LUZP2: variants seen among roughly 807,000 people sequenced by gnomAD.
The protein encoded by LUZP2 is leucine zipper protein 2.
In LUZP2, 52 loss-of-function variants were observed where a neutral mutation model predicts 51.6. The ratio of observed to expected loss-of-function variants is 1.01; its 90% CI spans 0.81 to 1.27. LUZP2 has a LOEUF of 1.27. Ranked by LOEUF, LUZP2 falls within the 50% of genes most tolerant of loss-of-function variation. LUZP2 has a pLI of 0.00. For synonymous variants in LUZP2, 154 were observed against 137.3 expected, an observed-to-expected ratio of 1.12 and a Z score of -0.85; for missense variants, 436 against 395.4, an observed-to-expected ratio of 1.10 and a Z score of -0.87.
chr11:24,706,532 C>A (rs1424594741), intron 1 of LUZP2, among the ~76,000 whole-genome samples: 2 of 152,124 alleles, frequency 1.3e-5, no homozygotes, highest in South Asian at 2.1e-4. Flanking sequence ...TCTTCCTGTG[C>A]GGCCTTCTCT....
intron 7 of LUZP2, among the ~76,000 whole-genome samples, chr11:24,918,656 T>C (rs1051504257): frequency 1.3e-5 from 2 of 151,492 alleles, no homozygotes; most frequent in Admixed American, 6.6e-5. Context: ...AAATCCTAAA[T>C]ATTATTTATC....
At chr11:24,802,518 A>G (rs1354163410) in intron 5 of LUZP2, among the ~76,000 whole-genome samples, 1 of 151,912 alleles carries the variant, frequency 6.6e-6, no homozygotes, top group Non-Finnish European at 1.5e-5. Flanking sequence ...TTTACCTTGT[A>G]TACCATTTTT....
At chr11:24,819,787 G>C (rs1005593244) in intron 5 of LUZP2, among the ~76,000 whole-genome samples, 10 of 151,970 alleles carry the variant, frequency 6.6e-5, no homozygotes, top group African/African-American at 2.2e-4. Context: ...GGAAGCAATA[G>C]TATACATTGT....
intron 5 of LUZP2, among the ~76,000 whole-genome samples, chr11:24,876,100 G>C (rs77584951): frequency 6.6e-6 from 1 of 150,978 alleles, no homozygotes; most frequent in African/African-American, 2.4e-5. Context: ...AGAAGCTCTT[G>C]AGTTTAATTA....
At chr11:25,058,627 A>T (rs1858751256) in intron 10 of LUZP2, among the ~76,000 whole-genome samples, 1 of 152,186 alleles carries the variant, frequency 6.6e-6, no homozygotes, top group African/African-American at 2.4e-5. Context: ...GATAATAAGT[A>T]ATTTGAGGGC....
In LUZP2 at chr11:24,788,180, ATTTTT is replaced by A. The variant is rs61308017; in HGVS notation, c.396+24893_396+24897del. Among the ~76,000 whole-genome samples, 790 of 83,428 alleles carry A rather than the reference ATTTTT, an allele frequency of 9.5e-3. 3 individuals are homozygous for A. The highest frequency in any genetic ancestry group is 0.032 in the African/African-American group (718 of 22,772). 54.7% of individuals were successfully genotyped at this position (83,428 alleles called of 152,430 possible). On this transcript the variant is annotated intron_variant, in intron 5 of 11. Transcript: ENST00000336930. ...AGATGCCTATTTCTTTTTGTTTTTA[ATTTTT>A]TTTTTTTTTTTTTTTTTTTTCTGAG...
At chr11:24,644,951 G>A (rs1450272752) in intron 1 of LUZP2, among the ~76,000 whole-genome samples, 1 of 152,044 alleles carries the variant, frequency 6.6e-6, no homozygotes, top group Non-Finnish European at 1.5e-5. Flanking sequence ...ATATTTACTA[G>A]GCTGAAGTTT....
chr11:24,700,263 C>G (rs751353477), intron 1 of LUZP2, among the ~76,000 whole-genome samples: 4 of 151,966 alleles, frequency 2.6e-5, no homozygotes, highest in Non-Finnish European at 5.9e-5. Context: ...AGGGTTTCAC[C>G]ATGTTGGCCA....
At chr11:24,840,848 G>T (rs1590624083) in intron 5 of LUZP2, among the ~76,000 whole-genome samples, 1 of 151,982 alleles carries the variant, frequency 6.6e-6, no homozygotes, top group Middle Eastern at 3.4e-3. Context: ...TTCTATCTAA[G>T]AAGAGCCACA....
chr11:25,035,601 A>G (rs1857832129), intron 9 of LUZP2, among the ~76,000 whole-genome samples: 1 of 152,124 alleles, frequency 6.6e-6, no homozygotes, highest in South Asian at 2.1e-4. Context: ...TCAAAAATTG[A>G]CCATTATGCC....
At chr11:24,630,157 T>C (rs1171054051) in intron 1 of LUZP2, among the ~76,000 whole-genome samples, 3 of 152,070 alleles carry the variant, frequency 2.0e-5, no homozygotes, top group African/African-American at 7.2e-5. Context: ...TTCACTCTGT[T>C]AATTATTTAT....
intron 9 of LUZP2, among the ~76,000 whole-genome samples, chr11:25,033,519 C>T (rs753471245): frequency 6.6e-6 from 1 of 152,140 alleles, no homozygotes; most frequent in Non-Finnish European, 1.5e-5. Context: ...GTGATCCTGT[C>T]ACCTGGGTAG....
intron 9 of LUZP2, among the ~76,000 whole-genome samples, chr11:25,048,113 C>G (rs74962637): frequency 2.0e-5 from 3 of 152,104 alleles, no homozygotes; most frequent in Non-Finnish European, 2.9e-5. Flanking sequence ...ACCCAGCCCC[C>G]CTTTGGCTGC....
intron 1 of LUZP2, among the ~76,000 whole-genome samples, chr11:24,541,966 C>A (rs1851380922): frequency 6.6e-6 from 1 of 151,124 alleles, no homozygotes; most frequent in South Asian, 2.1e-4. Context: ...TATTTATAAT[C>A]ACATATTTCT....
chr11:24,812,119 G>A (rs12270427), intron 5 of LUZP2, among the ~76,000 whole-genome samples: 6,966 of 152,104 alleles, frequency 0.046, 220 homozygotes, highest in East Asian at 0.1. Context: ...ATATTAGACC[G>A]TTTCCCTATG....
intron 1 of LUZP2, among the ~76,000 whole-genome samples, chr11:24,510,881 G>C (rs1850289451): frequency 6.6e-6 from 1 of 152,126 alleles, no homozygotes; most frequent in Admixed American, 6.5e-5. Context: ...TGTCAGTAAT[G>C]ACCCCAGCTC....
chr11:25,004,415 G>A (rs190717469), intron 9 of LUZP2, among the ~76,000 whole-genome samples: 4 of 152,166 alleles, frequency 2.6e-5, no homozygotes, highest in African/African-American at 4.8e-5. Flanking sequence ...CTCTGATCTC[G>A]CTTTTCCTTT....
intron 7 of LUZP2, among the ~76,000 whole-genome samples, chr11:24,927,186 G>A (rs1472517850): frequency 6.6e-6 from 1 of 150,942 alleles, no homozygotes; most frequent in East Asian, 1.9e-4. Flanking sequence ...AATATAGATT[G>A]TGAAGATATT....
intron 4 of LUZP2, among the ~76,000 whole-genome samples, chr11:24,746,603 C>T (rs990818725): frequency 9.2e-5 from 14 of 152,168 alleles, no homozygotes; most frequent in African/African-American, 3.1e-4. Flanking sequence ...AGTTCTCTAG[C>T]AAGGCTATGG....
Sources: allele counts gnomAD v4.1 joint callset (sites outside exome capture counted in the v4.1 genomes callset), GRCh38; gene constraint gnomAD v4.1.1; transcripts MANE v1.5; gene names NCBI Gene and HGNC (gene_info 2026-07-23, HGNC 2026-07-21).